The following ANK3 variants were observed in gnomAD, a reference collection of about 807,000 sequenced individuals.
ANK3 encodes ankyrin 3, also known as ankyrin-3.
ANK3 carries 57 observed loss-of-function variants against 370.9 expected under a neutral mutation model. The ratio of observed to expected loss-of-function variants is 0.15; its 90% CI spans 0.12 to 0.19. The LOEUF is 0.19. Ranked by LOEUF, ANK3 falls within the 10% of genes least tolerant of loss-of-function variation. ANK3 has a pLI of 1.00. For missense variants in ANK3, 4,439 were observed against 5,302.1 expected (o/e 0.84, Z 5.06); for synonymous variants, 1,929 against 1,946.3 (o/e 0.99, Z 0.23).
chr10:60,279,696 A>G (rs1047469703), intron 1 of ANK3, 57 bp from the exon 2 acceptor site: 1 of 1,317,496 alleles, frequency 7.6e-7, no homozygotes, highest in Non-Finnish European at 1.1e-6. Context: ...GCATGTTTAT[A>G]AACTATCCAG....
intron 2 of ANK3, among the ~76,000 whole-genome samples, chr10:60,438,805 T>C (rs929478736): frequency 6.6e-5 from 10 of 152,298 alleles, no homozygotes; most frequent in African/African-American, 2.2e-4. Flanking sequence ...CCTGATAACA[T>C]TTTGATTCTG....
In ANK3 at chr10:60,279,032, T is replaced by G; in HGVS notation, c.315+18A>C. On this transcript the variant is annotated intron_variant, in intron 3 of 43. Transcript: ENST00000280772. ...ACATGGCGAGTGGTTCAAAAAGCAT[T>G]AAATATGTGATACTGACCTTTGTAG... is the stretch of plus-strand genomic sequence containing the variant. 6.2e-7 allele frequency: 1 copy of G among 1,612,480 alleles called. No homozygotes were observed. The highest frequency in any genetic ancestry group is 8.5e-7 in the Non-Finnish European group (1 of 1,178,658).
At chr10:60,609,119 A>G (rs1255716880) in intron 2 of ANK3, among the ~76,000 whole-genome samples, 3 of 152,174 alleles carry the variant, frequency 2.0e-5, no homozygotes, top group African/African-American at 4.8e-5. Flanking sequence ...TATCAAACGT[A>G]CTTGCCAAGA....
intron 25 of ANK3, among the ~76,000 whole-genome samples, chr10:60,117,227 A>G (rs188669834): frequency 6.6e-6 from 1 of 152,342 alleles, no homozygotes; most frequent in Non-Finnish European, 1.5e-5. Flanking sequence ...GACTGACCCA[A>G]GAAAAGGGAG....
rs184456290 is a variant in ANK3 at position 60,447,552 on chromosome 10, G to T, written c.96+167634C>A. Among the ~76,000 whole-genome samples the T allele has an allele frequency of 1.9e-4, 29 of 152,098 alleles. No homozygotes were observed. The South Asian group carries it at 4.2e-3, about 22-fold the overall frequency. On this transcript the variant is annotated intron_variant, in intron 2 of 43. Transcript: ENST00000373827. Reference sequence around the variant, plus strand: ...ACTGAAATAAATGATGTCTGCATGTGGGGGGGAAAAAAAGCAAACAACAAG... The same window carrying T: ...ACTGAAATAAATGATGTCTGCATGTTGGGGGGAAAAAAAGCAAACAACAAG...
intron 23 of ANK3, among the ~76,000 whole-genome samples, chr10:60,162,618 C>T (rs557032192): frequency 8.2e-4 from 125 of 152,140 alleles, no homozygotes; most frequent in African/African-American, 2.8e-3. Context: ...AAACTTATAC[C>T]TACTTGATAT....
chr10:60,071,696 G>C lies in ANK3; in HGVS notation c.9185C>G (p.Ser3062Cys). ...GGGACTGTGGTCGAATACATCACTA[G>C]AGGGAGATTCCTTTCCTGGGCTAAA... ...LEFSPGKESP[S>C]SDVFDHSPID... The change falls in exon 37 of 44, where the codon TCT becomes TGT. Residue 3062 changes from serine (S) to cysteine (C), a missense_variant. By Grantham distance (112) the Ser-to-Cys change is moderately radical. Coordinates refer to ENST00000280772, the MANE Select transcript of ANK3 (RefSeq NM_020987.5). The C allele has an allele frequency of 6.3e-7, 1 of 1,599,652 alleles. No individual in the cohort carries two copies. Among genetic ancestry groups the C allele is most frequent in the South Asian group, 1.1e-5 (1 of 87,630 alleles).
intron 2 of ANK3, among the ~76,000 whole-genome samples, chr10:60,593,239 C>T (rs987451906): frequency 3.3e-5 from 5 of 152,180 alleles, no homozygotes; most frequent in Admixed American, 3.3e-4. Flanking sequence ...ATCATAGGTC[C>T]TCCATATCCA....
At chr10:60,123,722 C>A (rs533757926) in intron 25 of ANK3, among the ~76,000 whole-genome samples, 130 of 152,292 alleles carry the variant, frequency 8.5e-4, no homozygotes, top group African/African-American at 2.9e-3. Flanking sequence ...CAGGAAATCT[C>A]CCAATAACAG....
At chr10:60,534,898 A>G (rs1244804877) in intron 2 of ANK3, among the ~76,000 whole-genome samples, 3 of 152,194 alleles carry the variant, frequency 2.0e-5, no homozygotes, top group Non-Finnish European at 4.4e-5. Flanking sequence ...CTTTTCAGCA[A>G]GAAACAAACT....
At chr10:60,298,603 T>C (rs1234132441) in intron 1 of ANK3, among the ~76,000 whole-genome samples, 6 of 152,184 alleles carry the variant, frequency 3.9e-5, no homozygotes, top group Admixed American at 3.9e-4. Flanking sequence ...ATTCAGTCTG[T>C]CATTTTATTA....
chr10:60,393,930 G>A (rs2063163659), upstream of ANK3, among the ~76,000 whole-genome samples: 1 of 151,862 alleles, frequency 6.6e-6, no homozygotes, highest in South Asian at 2.1e-4. Context: ...AAGTAAGAAA[G>A]AAACTAAAGA....
In ANK3 at chr10:60,263,895, G is replaced by A. The variant is rs149088663; in HGVS notation, c.639C>T (p.Asp213=). 76 of 1,613,930 alleles carry A rather than the reference G, an allele frequency of 4.7e-5. No individual in the cohort carries two copies. Among genetic ancestry groups the A allele is most frequent in the Admixed American group, 2.7e-4 (16 of 59,974 alleles). Residue 213 remains aspartate, a synonymous_variant, in exon 6 of 44, where the codon GAC becomes GAT. Transcript: ENST00000280772. ...LPALHIAARK[D]DTKAAALLLQ... ...GCAGCAGGGCGGCGGCTTTCGTGTC[G>A]TCTTTTCGGGCCGCGATATGAAGAG...
At chr10:60,536,809 G>A (rs542239590) in intron 2 of ANK3, among the ~76,000 whole-genome samples, 61 of 152,064 alleles carry the variant, frequency 4.0e-4, no homozygotes, top group African/African-American at 1.4e-3. Flanking sequence ...TCTTCTTTAA[G>A]TAATAGTGCA....
At chr10:60,107,747 ACACACACACACACATGCGCACGCG>A (rs1048953713) in intron 27 of ANK3, among the ~76,000 whole-genome samples, 2 of 150,578 alleles carry the variant, frequency 1.3e-5, no homozygotes, top group African/African-American at 5.0e-5. Flanking sequence ...AGATCTAATT[ACACACACACACACATGCGCACGCG>A]CACACACACA....
chr10:60,548,761 T>G (rs10821795), intron 2 of ANK3, among the ~76,000 whole-genome samples: 13,396 of 152,112 alleles, frequency 0.088, 1,148 homozygotes, highest in East Asian at 0.31. Context: ...AATTATATGG[T>G]TATAAACCAT....
intron 2 of ANK3, among the ~76,000 whole-genome samples, chr10:60,479,722 A>G (rs531261486): frequency 7.2e-5 from 11 of 152,138 alleles, no homozygotes; most frequent in African/African-American, 2.7e-4. Flanking sequence ...GGCTGGTAGC[A>G]TATAAAGAGA....
chr10:60,098,803 G>A (rs534546831), intron 28 of ANK3, among the ~76,000 whole-genome samples: 1 of 152,156 alleles, frequency 6.6e-6, no homozygotes, highest in South Asian at 2.1e-4. Context: ...ATATATATTT[G>A]GGTCAGCATT....
intron 1 of ANK3, among the ~76,000 whole-genome samples, chr10:60,624,373 T>C (rs2078379970): frequency 2.0e-5 from 3 of 152,148 alleles, no homozygotes; most frequent in Admixed American, 1.3e-4. Context: ...GCACTACCCA[T>C]GTATGTTGTC....
Sources: allele counts gnomAD v4.1 joint callset (sites outside exome capture counted in the v4.1 genomes callset), GRCh38; gene constraint gnomAD v4.1.1; transcripts MANE v1.5; gene names NCBI Gene and HGNC (gene_info 2026-07-23, HGNC 2026-07-21).